The following PCDHA12 variants were observed in gnomAD, a reference collection of about 807,000 sequenced individuals.
PCDHA12 encodes the protein protocadherin alpha-12.
In PCDHA12, 44 loss-of-function variants were observed where a neutral mutation model predicts 60.0. That is an observed-to-expected ratio of 0.73 (90% CI 0.58 to 0.94). The LOEUF is 0.94. PCDHA12 is among the 40% of genes least tolerant of loss of function. The pLI is 0.00. For missense variants in PCDHA12, 1,276 were observed against 1,239.7 expected, an observed-to-expected ratio of 1.03 and a Z score of -0.44; for synonymous variants, 569 against 553.0, an observed-to-expected ratio of 1.03 and a Z score of -0.40.
chr5:140,927,422 T>G, intron 1 of PCDHA12: 1 of 1,614,028 alleles, frequency 6.2e-7, no homozygotes. Context: ...GGATCGCGGG[T>G]TGACGGCAGC....
chr5:141,001,792 T>C (rs1442216091), intron 3 of PCDHA12, among the ~76,000 whole-genome samples: 3 of 152,192 alleles, frequency 2.0e-5, no homozygotes, highest in African/African-American at 7.2e-5. Context: ...AGCCTGAGTA[T>C]ATACTATCAT....
chr5:140,882,566 G>A, intron 1 of PCDHA12: 1 of 1,614,252 alleles, frequency 6.2e-7, no homozygotes, highest in Non-Finnish European at 8.5e-7. Context: ...TGGGCGGAGC[G>A]CGGAGTGCAG....
intron 1 of PCDHA12, among the ~76,000 whole-genome samples, chr5:140,892,088 C>T (rs782787174): frequency 1.3e-5 from 2 of 152,122 alleles, no homozygotes; most frequent in Non-Finnish European, 2.9e-5. Flanking sequence ...AGTTTCCTCT[C>T]GAAACTTTCA....
Position 141,010,316 on chromosome 5 carries a change from G to T in PCDHA12, c.*379G>T. ...GGGCAGGCTGAAAAGTTTTGAGATT[G>T]AGCAGCTTGGGAGTTTGTGGCCACT... On this transcript the variant is annotated 3_prime_UTR_variant, in exon 4 of 4. Coordinates refer to ENST00000398631, the MANE Select transcript of PCDHA12 (RefSeq NM_018903.4). The T allele has an allele frequency of 1.3e-6, 2 of 1,546,404 alleles. No individual in the cohort carries two copies. The highest frequency in any genetic ancestry group is 2.4e-5 in the South Asian group (2 of 83,328).
At chr5:141,009,150 G>T (rs1588228136) in intron 3 of PCDHA12, among the ~76,000 whole-genome samples, 1 of 152,300 alleles carries the variant, frequency 6.6e-6, no homozygotes, top group African/African-American at 2.4e-5. Context: ...CTGCCCTCTT[G>T]CTTGTCTGTA....
chr5:140,892,779 A>G (rs1490865049), intron 1 of PCDHA12, among the ~76,000 whole-genome samples: 1 of 152,192 alleles, frequency 6.6e-6, no homozygotes, highest in Non-Finnish European at 1.5e-5. Flanking sequence ...TAGCTTCTTG[A>G]AAATATGTAA....
intron 1 of PCDHA12, among the ~76,000 whole-genome samples, chr5:140,926,169 G>C (rs1212199081): frequency 6.6e-6 from 1 of 151,734 alleles, no homozygotes; most frequent in Non-Finnish European, 1.5e-5. Flanking sequence ...GCAGGATCCA[G>C]CGCGGAAAGC....
intron 1 of PCDHA12, among the ~76,000 whole-genome samples, chr5:140,924,027 G>T (rs1458552046): frequency 1.3e-5 from 2 of 152,194 alleles, no homozygotes; most frequent in Non-Finnish European, 2.9e-5. Context: ...TTGGAGGCAT[G>T]GCTGCAGACC....
At chr5:141,008,425 A>G (rs1195605563) in intron 3 of PCDHA12, among the ~76,000 whole-genome samples, 2 of 152,172 alleles carry the variant, frequency 1.3e-5, no homozygotes, top group East Asian at 1.9e-4. Context: ...CACTGGGATC[A>G]CTTTGCCCAG....
intron 1 of PCDHA12, among the ~76,000 whole-genome samples, chr5:140,895,893 C>A (rs899081253): frequency 6.6e-6 from 1 of 152,188 alleles, no homozygotes; most frequent in African/African-American, 2.4e-5. Context: ...CTCACTGCAA[C>A]CTCCGCGTCC....
At chr5:140,923,343 T>G (rs1251719779) in intron 1 of PCDHA12, among the ~76,000 whole-genome samples, 1 of 152,122 alleles carries the variant, frequency 6.6e-6, no homozygotes, top group African/African-American at 2.4e-5. Flanking sequence ...TTGGGCAACA[T>G]AGTGGGACCC....
rs149265547 is a variant in PCDHA12 at position 140,927,771 on chromosome 5, G to T, written c.2367+49932G>T. On this transcript the variant is annotated intron_variant, in intron 1 of 3. Coordinates refer to ENST00000398631, the MANE Select transcript of PCDHA12 (RefSeq NM_018903.4). Reference sequence around the variant, plus strand: ...ACGTGCACCCTAAAAGTGGGGAGGTGCAAGTAGCTGCTTCACTAGGTCCGC... The same window carrying T: ...ACGTGCACCCTAAAAGTGGGGAGGTTCAAGTAGCTGCTTCACTAGGTCCGC... The T allele has an allele frequency of 4.2e-4, 677 of 1,614,210 alleles. 4 individuals carry two copies. In the African/African-American group the frequency reaches 7.5e-3, roughly 18 times the overall value.
intron 1 of PCDHA12, among the ~76,000 whole-genome samples, chr5:140,974,046 GATA>G (rs1554235775): frequency 6.6e-6 from 1 of 152,184 alleles, no homozygotes; most frequent in African/African-American, 2.4e-5. Context: ...TTATTAATAT[GATA>G]ATATTTGGAG....
intron 1 of PCDHA12, chr5:140,883,519 C>G: frequency 6.2e-7 from 1 of 1,614,190 alleles, no homozygotes; most frequent in South Asian, 1.1e-5. Context: ...ACCGCGAGAG[C>G]GTATCAGCCT....
chr5:140,881,369 T>C (rs2058687376), intron 1 of PCDHA12: 2 of 985,186 alleles, frequency 2.0e-6, no homozygotes, highest in Non-Finnish European at 2.4e-6. Flanking sequence ...TTCGTATGAA[T>C]TGCAGCCGGC....
intron 1 of PCDHA12, among the ~76,000 whole-genome samples, chr5:140,878,711 G>A (rs944193090): frequency 6.6e-5 from 10 of 152,156 alleles, no homozygotes; most frequent in East Asian, 1.9e-4. Context: ...GGTAGTAAAG[G>A]CATTAAAATT....
chr5:140,976,244 A>G (rs996854178), intron 1 of PCDHA12, among the ~76,000 whole-genome samples: 1 of 152,160 alleles, frequency 6.6e-6, no homozygotes, highest in Non-Finnish European at 1.5e-5. Context: ...CATTTCATGT[A>G]AATTTATTTA....
Position 140,875,556 on chromosome 5 carries a change from C to T in PCDHA12, c.84C>T (p.Ser28=), listed in dbSNP as rs781896642. Reference sequence around the variant, plus strand: ...TCCTTGCAGCCTGGGAGGTGGGGAGCGGCCAGCTCCACTACTCCGTCTACG... The same window carrying T: ...TCCTTGCAGCCTGGGAGGTGGGGAGTGGCCAGCTCCACTACTCCGTCTACG... ...LLLLAAWEVG[S]GQLHYSVYEE... is the part of the protein sequence containing the mutation. The change falls in exon 1 of 4, where the codon AGC becomes AGT. Residue 28 remains serine, a synonymous_variant. Transcript: ENST00000398631. 4 of 1,614,128 alleles carry T rather than the reference C, an allele frequency of 2.5e-6. No homozygotes were observed. The highest frequency in any genetic ancestry group is 2.2e-5 in the South Asian group (2 of 91,086).
chr5:140,896,090 C>CA (rs2065374359), intron 1 of PCDHA12, among the ~76,000 whole-genome samples: 1 of 152,152 alleles, frequency 6.6e-6, no homozygotes, highest in Non-Finnish European at 1.5e-5. Flanking sequence ...GGATTACAGG[C>CA]GTGAGCCACT....
Sources: gnomAD v4.1 joint callset for allele counts (sites outside exome capture counted in the v4.1 genomes callset) on GRCh38, gnomAD v4.1.1 for gene constraint, MANE v1.5 for transcripts, NCBI Gene and HGNC (gene_info 2026-07-23, HGNC 2026-07-21) for gene names.